The following ZNF385D variants were observed in gnomAD, a reference collection of about 807,000 sequenced individuals.
The protein encoded by ZNF385D is zinc finger protein 659.
ZNF385D carries 15 observed loss-of-function variants against 35.8 expected under a neutral mutation model. That is an observed-to-expected ratio of 0.42 (90% confidence interval 0.28 to 0.64). The LOEUF (loss-of-function observed/expected upper bound fraction) is 0.64. Ranked by LOEUF, ZNF385D falls within the 30% of genes least tolerant of loss-of-function variation. ZNF385D has a pLI of 0.23. For synonymous variants in ZNF385D, 212 were observed against 186.8 expected, an observed-to-expected ratio of 1.13 and a Z score of -1.10; for missense variants, 474 against 494.6, an observed-to-expected ratio of 0.96 and a Z score of 0.39.
intron 3 of ZNF385D, among the ~76,000 whole-genome samples, chr3:21,926,110 T>C (rs1402590511): frequency 6.6e-6 from 1 of 151,424 alleles, no homozygotes; most frequent in African/African-American, 2.4e-5. Flanking sequence ...GTAAAACCCT[T>C]GATGCAGTTT....
intron 3 of ZNF385D, among the ~76,000 whole-genome samples, chr3:21,797,948 C>G (rs1017935298): frequency 6.6e-6 from 1 of 152,134 alleles, no homozygotes; most frequent in Non-Finnish European, 1.5e-5. Flanking sequence ...ATACATTTGT[C>G]TAAATATTAG....
At chr3:21,516,718 G>A (rs1456909926) in intron 3 of ZNF385D, among the ~76,000 whole-genome samples, 2 of 152,100 alleles carry the variant, frequency 1.3e-5, no homozygotes, top group East Asian at 1.9e-4. Context: ...CTGGGTCATC[G>A]TGCATGCATA....
intron 3 of ZNF385D, among the ~76,000 whole-genome samples, chr3:22,078,933 A>G (rs1201985201): frequency 6.6e-6 from 1 of 152,096 alleles, no homozygotes. Flanking sequence ...AAATGTGTGG[A>G]AATTGACCTA....
intron 3 of ZNF385D, among the ~76,000 whole-genome samples, chr3:21,534,552 C>G (rs2061994000): frequency 6.6e-6 from 1 of 152,064 alleles, no homozygotes; most frequent in Admixed American, 6.6e-5. Flanking sequence ...ACCCATGCTG[C>G]TAACTCGGAT....
intron 2 of ZNF385D, among the ~76,000 whole-genome samples, chr3:22,199,514 T>C (rs1281688594): frequency 1.3e-5 from 2 of 152,080 alleles, no homozygotes; most frequent in East Asian, 3.9e-4. Context: ...TCAGGAAATT[T>C]GGCTTTCTGA....
intron 3 of ZNF385D, among the ~76,000 whole-genome samples, chr3:21,756,266 G>A (rs1453686567): frequency 1.3e-5 from 2 of 152,154 alleles, no homozygotes; most frequent in African/African-American, 2.4e-5. Flanking sequence ...TGGGTCCACA[G>A]AATTCTCTGG....
chr3:21,586,893 C>T (rs1315424702), intron 2 of ZNF385D, among the ~76,000 whole-genome samples: 1 of 152,064 alleles, frequency 6.6e-6, no homozygotes, highest in African/African-American at 2.4e-5. Context: ...TACTTGGGAA[C>T]AGAGGAAAGG....
intron 5 of ZNF385D, among the ~76,000 whole-genome samples, chr3:21,436,631 A>C (rs754997580): frequency 6.6e-6 from 1 of 152,182 alleles, no homozygotes; most frequent in Non-Finnish European, 1.5e-5. Context: ...GTACAGTTTT[A>C]GAAAATGTCA....
intron 3 of ZNF385D, among the ~76,000 whole-genome samples, chr3:22,085,871 T>G (rs1318797917): frequency 6.6e-6 from 1 of 152,208 alleles, no homozygotes; most frequent in Non-Finnish European, 1.5e-5. Context: ...CAAGTCAGCT[T>G]CATCCCTGAG....
chr3:21,917,813 T>C (rs1374512521), intron 3 of ZNF385D, among the ~76,000 whole-genome samples: 1 of 152,226 alleles, frequency 6.6e-6, no homozygotes, highest in Non-Finnish European at 1.5e-5. Flanking sequence ...GCTATGCTTT[T>C]TCTTTTTTCC....
At chr3:22,089,717 C>A (rs935950929) in intron 3 of ZNF385D, among the ~76,000 whole-genome samples, 1 of 152,154 alleles carries the variant, frequency 6.6e-6, no homozygotes, top group African/African-American at 2.4e-5. Context: ...TTTGAGCATG[C>A]TATCTCAGCC....
At chr3:21,718,575 G>A (rs186285666) in intron 1 of ZNF385D, among the ~76,000 whole-genome samples, 2 of 152,300 alleles carry the variant, frequency 1.3e-5, no homozygotes, top group East Asian at 3.9e-4. Flanking sequence ...TATCTCTATA[G>A]ATGAGAAAAT....
chr3:22,225,291 T>C (rs907103679), intron 2 of ZNF385D, among the ~76,000 whole-genome samples: 1 of 152,168 alleles, frequency 6.6e-6, no homozygotes, highest in Non-Finnish European at 1.5e-5. Context: ...CCCTTGCTAC[T>C]TCACTGAGCA....
At chr3:22,246,494 T>C (rs576519980) in intron 2 of ZNF385D, among the ~76,000 whole-genome samples, 4 of 152,244 alleles carry the variant, frequency 2.6e-5, no homozygotes, top group Admixed American at 2.6e-4. Flanking sequence ...GTGAGAACCA[T>C]ACTCATAAGC....
chr3:21,971,282 T>C (rs1036806010), intron 3 of ZNF385D, among the ~76,000 whole-genome samples: 1 of 151,872 alleles, frequency 6.6e-6, no homozygotes, highest in African/African-American at 2.4e-5. Context: ...CATAGCATAA[T>C]AAATAAATGG....
chr3:22,094,385 G>GATAT (rs140274686), intron 3 of ZNF385D, among the ~76,000 whole-genome samples: 2,956 of 70,798 alleles, frequency 0.042, 181 homozygotes, highest in African/African-American at 0.11. Flanking sequence ...ATTTATTGTT[G>GATAT]ATATATATAT....
chr3:21,512,164 AG>A (rs1475122905), intron 3 of ZNF385D, among the ~76,000 whole-genome samples: 2 of 150,788 alleles, frequency 1.3e-5, no homozygotes, highest in Admixed American at 6.6e-5. Context: ...AAAAAAAAAA[AG>A]AAGTACATAG....
At chr3:21,607,959 TTG>T (rs576829703) in intron 2 of ZNF385D, among the ~76,000 whole-genome samples, 1 of 152,024 alleles carries the variant, frequency 6.6e-6, no homozygotes, top group South Asian at 2.1e-4. Context: ...CTGAATTTTA[TTG>T]TGTTACCTTT....
rs555422306 is a variant in ZNF385D at position 21,636,570 on chromosome 3, TG to T, written c.165+28315del. On this transcript the variant is annotated intron_variant, in intron 2 of 7. Coordinates refer to ENST00000281523, the MANE Select transcript of ZNF385D (RefSeq NM_024697.3). ...GGAAGCATCCAGCACAGGAGAAAGATGTAGCCTGGGAGGTTAAGCCAGTTTA... is the reference window on the plus strand; with the variant it reads ...GGAAGCATCCAGCACAGGAGAAAGATTAGCCTGGGAGGTTAAGCCAGTTTA... Among the ~76,000 whole-genome samples the T allele has an allele frequency of 1.6e-3, 239 of 151,442 alleles. 2 individuals carry two copies. The highest frequency in any genetic ancestry group is 0.012 in the East Asian group (59 of 5,078).
Sources: gnomAD v4.1 joint callset for allele counts (sites outside exome capture counted in the v4.1 genomes callset) on GRCh38, gnomAD v4.1.1 for gene constraint, MANE v1.5 for transcripts, NCBI Gene and HGNC (gene_info 2026-07-23, HGNC 2026-07-21) for gene names.